The following LNPEP variants were observed in gnomAD, a reference collection of about 807,000 sequenced individuals.
LNPEP encodes leucyl and cystinyl aminopeptidase.
Under a neutral mutation model 120.6 loss-of-function variants are expected in LNPEP, and 64 were observed. The ratio of observed to expected loss-of-function variants is 0.53; its 90% CI spans 0.43 to 0.65. LNPEP has a LOEUF of 0.65. Among genes scored for constraint, LNPEP ranks in the 30% least tolerant of loss-of-function variants. The pLI is 0.00. For missense variants in LNPEP, 1,057 were observed against 1,200.0 expected (o/e 0.88, Z 1.76); for synonymous variants, 435 against 425.4 (o/e 1.02, Z -0.28).
rs114383669 is a variant in LNPEP at position 96,964,555 on chromosome 5, T to C, written c.20-14583T>C. ...TTTGTCTGCATAATATCTTATTCAG[T>C]ATGAATATACCTATCCCTTGTTGTT... is the stretch of plus-strand genomic sequence containing the variant. On this transcript the variant is annotated intron_variant, in intron 1 of 17. Transcript: ENST00000231368. Among the ~76,000 whole-genome samples the C allele has an allele frequency of 4.0e-3, 608 of 152,254 alleles. 6 individuals carry two copies. The highest frequency in any genetic ancestry group is 0.014 in the African/African-American group (591 of 41,570).
Position 97,005,643 on chromosome 5 carries a change from T to G in LNPEP, c.1786-430T>G, listed in dbSNP as rs1030075584. 5.9e-5 allele frequency among the ~76,000 whole-genome samples: 9 copies of G among 152,348 alleles called. No individual in the cohort carries two copies. The South Asian group carries it at 1.9e-3, about 32-fold the overall frequency. Reference sequence around the variant, plus strand: ...TAAAGAGAAACCCAGACTCAGGTGCTTCACAGGATTGAGTAGCAGTGTTTC... The same window carrying G: ...TAAAGAGAAACCCAGACTCAGGTGCGTCACAGGATTGAGTAGCAGTGTTTC... On this transcript the variant is annotated intron_variant, in intron 9 of 17. Transcript: ENST00000231368.
At chr5:96,991,955 T>G (rs775041082) in intron 4 of LNPEP, among the ~76,000 whole-genome samples, 2 of 152,200 alleles carry the variant, frequency 1.3e-5, no homozygotes, top group Non-Finnish European at 2.9e-5. Context: ...ATTTTGAGGT[T>G]TTTATTTTCT....
intron 1 of LNPEP, among the ~76,000 whole-genome samples, chr5:96,960,303 T>C (rs1358907729): frequency 6.6e-6 from 1 of 152,174 alleles, no homozygotes; most frequent in East Asian, 1.9e-4. Context: ...GTAGAAGAAA[T>C]GTTTACTGAC....
Position 96,954,772 on chromosome 5 carries a change from A to ATATTT in LNPEP, c.19+18599_19+18600insATTTT, listed in dbSNP as rs1275200137. On this transcript the variant is annotated intron_variant, in intron 1 of 17. Transcript: ENST00000231368. ...CACATATATATATATATATATATAT[A>ATATTT]TTTTTTTTTTTTTTTTTTTTTTTTT... Among the ~76,000 whole-genome samples, 16 of 27,108 alleles carry ATATTT rather than the reference A, an allele frequency of 5.9e-4. 1 individual carries two copies. The highest frequency in any genetic ancestry group is 2.4e-3 in the African/African-American group (16 of 6,606). The allele number at this position is 27,108 out of a possible 152,430, so 17.8% of individuals were successfully genotyped here.
At chr5:97,020,382 G>T (rs896322774) in intron 13 of LNPEP, among the ~76,000 whole-genome samples, 4 of 152,176 alleles carry the variant, frequency 2.6e-5, no homozygotes, top group African/African-American at 9.7e-5. Context: ...GAGATGCCAC[G>T]ATGGTGGTGG....
At chr5:96,994,031 A>G in intron 6 of LNPEP, 60 bp downstream of exon 6, 2 of 1,358,108 alleles carry the variant, frequency 1.5e-6, no homozygotes, top group Non-Finnish European at 2.0e-6. Context: ...TCCTGGAGTT[A>G]TTGTTAGCAT....
intron 9 of LNPEP, among the ~76,000 whole-genome samples, chr5:97,005,853 G>GCT (rs1316303865): frequency 3.3e-5 from 5 of 151,974 alleles, no homozygotes; most frequent in Non-Finnish European, 5.9e-5. Context: ...CTATCACTTA[G>GCT]CTCTGTTCCA....
rs1791461039 is a variant in LNPEP, at chr5:97,031,163, G to A, written c.*2630G>A. The A allele has an allele frequency of 6.8e-6, 1 of 147,000 alleles. No homozygotes were observed. The highest frequency in any genetic ancestry group is 1.5e-5 in the Non-Finnish European group (1 of 66,434). The allele number at this position is 147,000 out of a possible 1,614,324, so 9.1% of individuals were successfully genotyped here. On this transcript the variant is annotated 3_prime_UTR_variant, in exon 18 of 18. Transcript: ENST00000231368. ...GAGAGATCTACTTGAATATAAAAGG[G>A]TCATCATACTAGATTATTAAAAAAG... is the stretch of plus-strand genomic sequence containing the variant.
At chr5:96,990,377 A>G (rs1483924824) in intron 4 of LNPEP, among the ~76,000 whole-genome samples, 1 of 152,238 alleles carries the variant, frequency 6.6e-6, no homozygotes, top group Non-Finnish European at 1.5e-5. Flanking sequence ...GGTTGGCTAC[A>G]TAATATGGGA....
chr5:96,936,803 A>G (rs17684739), intron 1 of LNPEP: 5,760 of 141,764 alleles, frequency 0.041, 189 homozygotes, highest in Middle Eastern at 0.12. Flanking sequence ...CACTGGCTGC[A>G]GATCACATCA....
intron 1 of LNPEP, chr5:96,958,447 G>A (rs1168200402): frequency 2.0e-6 from 2 of 985,158 alleles, no homozygotes; most frequent in Admixed American, 6.2e-5. Context: ...CTGAACTTGG[G>A]CAAGCTCCTA....
intron 1 of LNPEP, among the ~76,000 whole-genome samples, chr5:96,957,696 C>T (rs555954798): frequency 3.3e-5 from 5 of 152,264 alleles, no homozygotes; most frequent in Admixed American, 1.3e-4. Context: ...GGATTCTCTC[C>T]AGAACTTCCA....
intron 1 of LNPEP, chr5:96,942,512 A>C (rs1381251515): frequency 2.6e-5 from 4 of 151,920 alleles, no homozygotes; most frequent in African/African-American, 9.7e-5. Flanking sequence ...AAATTAGCTG[A>C]GTATGTTGGC....
At chr5:96,948,706 G>C (rs925627063) in intron 1 of LNPEP, among the ~76,000 whole-genome samples, 4 of 152,136 alleles carry the variant, frequency 2.6e-5, no homozygotes, top group Non-Finnish European at 5.9e-5. Flanking sequence ...TGAACATACA[G>C]ACTAGCATCC....
At chr5:97,022,544 A>G (rs998117215) in intron 14 of LNPEP, 60 bp downstream of exon 14, 1 of 1,320,650 alleles carries the variant, frequency 7.6e-7, no homozygotes, top group African/African-American at 1.4e-5. Context: ...CATCATATAC[A>G]GTATCCAGGG....
At chr5:96,979,062 T>A in intron 1 of LNPEP, 76 bp from the exon 2 acceptor site, 1 of 1,488,490 alleles carries the variant, frequency 6.7e-7, no homozygotes, top group East Asian at 2.3e-5. Context: ...GTGGTCTAGG[T>A]AGAAGACATG....
intron 1 of LNPEP, among the ~76,000 whole-genome samples, chr5:96,939,213 T>C (rs1788993541): frequency 7.9e-6 from 1 of 127,104 alleles, no homozygotes; most frequent in East Asian, 2.3e-4. Flanking sequence ...GTATGTATAC[T>C]TTCTTTTTTT....
At chr5:96,944,537 C>CT (rs147837667) in intron 1 of LNPEP, among the ~76,000 whole-genome samples, 49,662 of 107,250 alleles carry the variant, frequency 0.46, 9,684 homozygotes, top group Non-Finnish European at 0.5. Context: ...CAAAGATTTT[C>CT]TTTTTTGTTT....
In LNPEP at chr5:97,022,359, C is replaced by T. The variant is rs368076075; in HGVS notation, c.2436C>T (p.Gly812=). 209 of 1,613,694 alleles carry T rather than the reference C, an allele frequency of 1.3e-4. No individual in the cohort carries two copies. The highest frequency in any genetic ancestry group is 8.2e-4 in the Middle Eastern group (5 of 6,062). The change falls in exon 14 of 18, where the codon GGC becomes GGT. Residue 812 remains glycine (G), a synonymous_variant. Transcript: ENST00000231368. ...QIQQQTWTDE[G]TPSMRELRSA... is the part of the protein sequence containing the mutation. Reference sequence around the variant, plus strand: ...AACAACAAACTTGGACTGATGAGGGCACTCCATCTATGCGAGAGCTTCGGT... The same window carrying T: ...AACAACAAACTTGGACTGATGAGGGTACTCCATCTATGCGAGAGCTTCGGT...
Sources: gnomAD v4.1 joint callset for allele counts (sites outside exome capture counted in the v4.1 genomes callset) on GRCh38, gnomAD v4.1.1 for gene constraint, MANE v1.5 for transcripts, NCBI Gene and HGNC (gene_info 2026-07-23, HGNC 2026-07-21) for gene names.